The following RGS12 variants were observed in gnomAD, a reference collection of about 807,000 sequenced individuals.
RGS12 encodes the protein regulator of G-protein signaling 12.
A neutral mutation model predicts 120.1 loss-of-function variants in RGS12; 66 were observed. The ratio of observed to expected loss-of-function variants is 0.55; its 90% CI spans 0.45 to 0.67. The LOEUF (loss-of-function observed/expected upper bound fraction) is 0.67. Among genes scored for constraint, RGS12 ranks in the 30% least tolerant of loss-of-function variants. The pLI, the probability that RGS12 is intolerant of heterozygous loss-of-function variation, is 0.00. For synonymous variants in RGS12, 827 were observed against 804.7 expected (o/e 1.03, Z -0.47); for missense variants, 1,859 against 1,957.7 (o/e 0.95, Z 0.95).
intron 2 of RGS12, among the ~76,000 whole-genome samples, chr4:3,340,766 G>GCAGGCCGGTA (rs1267417334): frequency 2.0e-5 from 3 of 152,006 alleles, no homozygotes; most frequent in Non-Finnish European, 4.4e-5. Flanking sequence ...GCAGGCAGGT[G>GCAGGCCGGTA]CAGGCCGGTG....
chr4:3,420,818 A>C, intron 10 of RGS12, 100 bp downstream of exon 10: 3 of 1,056,780 alleles, frequency 2.8e-6, no homozygotes, highest in Non-Finnish European at 4.2e-6. Context: ...TACAAAACTC[A>C]GCGTTCACTT....
At chr4:3,410,898 C>A (rs970031992) in intron 4 of RGS12, among the ~76,000 whole-genome samples, 1 of 152,202 alleles carries the variant, frequency 6.6e-6, no homozygotes, top group Non-Finnish European at 1.5e-5. Context: ...GAAAAGGGAG[C>A]CAGCCCGCCA....
At chr4:3,304,767 A>T (rs1047703319) in intron 1 of RGS12, among the ~76,000 whole-genome samples, 2 of 152,220 alleles carry the variant, frequency 1.3e-5, no homozygotes, top group Non-Finnish European at 2.9e-5. Flanking sequence ...CCACCTAGAT[A>T]TAAGTACAGC....
intron 2 of RGS12, among the ~76,000 whole-genome samples, chr4:3,332,365 A>G (rs1348229457): frequency 2.0e-5 from 3 of 152,250 alleles, no homozygotes; most frequent in Admixed American, 1.3e-4. Context: ...ATGTTATTTC[A>G]GTGGTTTATC....
intron 16 of RGS12, among the ~76,000 whole-genome samples, chr4:3,429,751 G>A (rs889101930): frequency 3.9e-4 from 59 of 152,214 alleles, no homozygotes; most frequent in African/African-American, 1.3e-3. Flanking sequence ...AGGCCCAGGG[G>A]CACCCGTCCT....
At chr4:3,301,438 C>G (rs1463939969) in intron 1 of RGS12, among the ~76,000 whole-genome samples, 3 of 152,174 alleles carry the variant, frequency 2.0e-5, no homozygotes, top group Admixed American at 6.5e-5. Context: ...GGTGGGTTAC[C>G]AGGTGTCGGT....
chr4:3,288,795 G>T (rs907023371), upstream of RGS12, among the ~76,000 whole-genome samples: 1 of 152,218 alleles, frequency 6.6e-6, no homozygotes, highest in African/African-American at 2.4e-5. This position sits in a 1 kb window ranked among gnomAD's most constrained non-coding sequence, Gnocchi z 5.2. Context: ...CATGGAGACT[G>T]CATGAGGCAT....
At chr4:3,292,536 G>T (rs1206684859), upstream of RGS12, among the ~76,000 whole-genome samples, 2 of 152,250 alleles carry the variant, frequency 1.3e-5, no homozygotes, top group African/African-American at 2.4e-5. Flanking sequence ...ACTCCCCACA[G>T]CCAGGTTTCC....
At chr4:3,328,427 AGT>A (rs1560089612) in intron 2 of RGS12, among the ~76,000 whole-genome samples, 1 of 152,300 alleles carries the variant, frequency 6.6e-6, no homozygotes, top group East Asian at 1.9e-4. Context: ...AAAACTAGAG[AGT>A]GGGTCTGTGA....
At chr4:3,421,756 A>T (rs1164807587) in intron 10 of RGS12, among the ~76,000 whole-genome samples, 6 of 152,106 alleles carry the variant, frequency 3.9e-5, no homozygotes, top group Admixed American at 3.3e-4. Context: ...CCTTCTGCCC[A>T]CCCAGGTCTG....
intron 4 of RGS12, among the ~76,000 whole-genome samples, chr4:3,402,044 C>T (rs965011675): frequency 5.9e-5 from 9 of 152,216 alleles, no homozygotes; most frequent in Non-Finnish European, 8.8e-5. Context: ...AGCCCGTGAG[C>T]GCTGCCTACC....
At chr4:3,301,178 A>G (rs1723666189) in intron 1 of RGS12, among the ~76,000 whole-genome samples, 1 of 150,156 alleles carries the variant, frequency 6.7e-6, no homozygotes, top group African/African-American at 2.5e-5. Flanking sequence ...CCTCCTCTGT[A>G]ACACGGGGTC....
chr4:3,419,458 C>G (rs780134382), intron 9 of RGS12: 1 of 151,562 alleles, frequency 6.6e-6, no homozygotes, highest in Non-Finnish European at 1.5e-5. Flanking sequence ...AACTACACTC[C>G]AGTTTGTGTG....
intron 4 of RGS12, among the ~76,000 whole-genome samples, chr4:3,401,064 C>T (rs1720531880): frequency 6.6e-6 from 1 of 152,118 alleles, no homozygotes. Flanking sequence ...AAGCATAGCC[C>T]ATGGCCAGGT....
rs75268064 is a variant in RGS12 at position 3,358,909 on chromosome 4, C to A, written c.1998+15856C>A. Among the ~76,000 whole-genome samples the A allele has an allele frequency of 7.7e-3, 829 of 107,006 alleles. 14 individuals are homozygous for A. Among genetic ancestry groups the A allele is most frequent in the African/African-American group, 0.029 (781 of 27,120 alleles). The allele number at this position is 107,006 out of a possible 152,430, so 70.2% of individuals were successfully genotyped here. A position where few individuals can be genotyped will look rare whatever the true frequency, so the allele number is the denominator to read the frequency against. ...TCCTCCCCCTTCTCCTCCTCCTTCT[C>A]CTCCTCTCTGTCCCCCCCTCCTCCT... On this transcript the variant is annotated intron_variant, in intron 3 of 17. Transcript: ENST00000336727.
intron 4 of RGS12, among the ~76,000 whole-genome samples, chr4:3,386,873 C>G (rs1011140717): frequency 6.6e-6 from 1 of 152,230 alleles, no homozygotes; most frequent in Non-Finnish European, 1.5e-5. Flanking sequence ...GTATAATAGA[C>G]GAATTGAGAG....
chr4:3,420,527 TGGGG>T, intron 9 of RGS12, 111 bp from the exon 10 acceptor site: 1 of 748,420 alleles, frequency 1.3e-6, no homozygotes, highest in Non-Finnish European at 2.0e-6. Flanking sequence ...GGGGGATGGG[TGGGG>T]GGGGCTTCCT....
At chr4:3,385,238 C>T (rs1301776440) in intron 3 of RGS12, 2 of 152,402 alleles carry the variant, frequency 1.3e-5, no homozygotes, top group Non-Finnish European at 2.9e-5. Context: ...TGGCAGCCCT[C>T]GCCTTGGCAG....
chr4:3,404,588 G>T (rs2109050048), intron 4 of RGS12, among the ~76,000 whole-genome samples: 1 of 152,356 alleles, frequency 6.6e-6, no homozygotes, highest in African/African-American at 2.4e-5. Flanking sequence ...GGGAGTTACA[G>T]AGATGGAAGA....
Sources: gnomAD v4.1 joint callset for allele counts (sites outside exome capture counted in the v4.1 genomes callset) on GRCh38, gnomAD v4.1.1 for gene constraint, Gnocchi (gnomAD v3.1) non-coding constraint, MANE v1.5 for transcripts, NCBI Gene and HGNC (gene_info 2026-07-23, HGNC 2026-07-21) for gene names.